The following SMIM36 variants were observed in gnomAD, a reference collection of about 807,000 sequenced individuals.
SMIM36 encodes the protein small integral membrane protein 36.
the SMIM36 span, among the ~76,000 whole-genome samples, chr17:55,522,948 TC>T: frequency 6.6e-6 from 1 of 152,122 alleles, no homozygotes; most frequent in African/African-American, 2.4e-5. Flanking sequence ...AATAAGCCGT[TC>T]ACAAACACAT....
At chr17:55,470,137 A>G (rs953161672) in intron 3 of SMIM36, among the ~76,000 whole-genome samples, 7 of 152,130 alleles carry the variant, frequency 4.6e-5, no homozygotes, top group African/African-American at 1.7e-4. Flanking sequence ...CTCCTAAGCC[A>G]TGTCCCATCT....
chr17:55,494,264 A>G (rs908873887), intron 1 of SMIM36, among the ~76,000 whole-genome samples: 1 of 152,206 alleles, frequency 6.6e-6, no homozygotes, highest in Non-Finnish European at 1.5e-5. Flanking sequence ...CCAGCCAGGA[A>G]AAAGAACACA....
chr17:55,477,383 T>C (rs926970959), intron 3 of SMIM36, among the ~76,000 whole-genome samples: 16 of 152,174 alleles, frequency 1.1e-4, no homozygotes, highest in Non-Finnish European at 1.0e-4. Context: ...GGCTTAGAGA[T>C]GCATCATTCC....
At chr17:55,461,155 A>T (rs1909142405) in intron 4 of SMIM36, among the ~76,000 whole-genome samples, 1 of 152,112 alleles carries the variant, frequency 6.6e-6, no homozygotes, top group African/African-American at 2.4e-5. Context: ...TTTGGGAAAA[A>T]ATCTACAATA....
At chr17:55,525,105 T>C in the SMIM36 span, among the ~76,000 whole-genome samples, 1 of 152,206 alleles carries the variant, frequency 6.6e-6, no homozygotes, top group African/African-American at 2.4e-5. Context: ...ACCTGTAACT[T>C]CTATACTGTA....
the SMIM36 span, among the ~76,000 whole-genome samples, chr17:55,517,467 G>A: frequency 1.3e-5 from 2 of 152,330 alleles, no homozygotes; most frequent in South Asian, 4.1e-4. Flanking sequence ...GGAGGCTGAG[G>A]CAGGAGAATC....
chr17:55,508,415 T>C (rs1166667684), intron 1 of SMIM36, among the ~76,000 whole-genome samples: 1 of 142,726 alleles, frequency 7.0e-6, no homozygotes, highest in Non-Finnish European at 1.5e-5. Flanking sequence ...ACATATTTTA[T>C]ATATATATTC....
chr17:55,530,510 C>A, the SMIM36 span, among the ~76,000 whole-genome samples: 1 of 152,126 alleles, frequency 6.6e-6, no homozygotes, highest in African/African-American at 2.4e-5. Context: ...AGAGGCTGGG[C>A]GCGGTGGCTC....
chr17:55,507,608 T>G, intron 1 of SMIM36, among the ~76,000 whole-genome samples: 1 of 128,154 alleles, frequency 7.8e-6, no homozygotes, highest in Non-Finnish European at 1.6e-5. Context: ...GGGATAGCAT[T>G]GGGAGATATA....
At chr17:55,484,929 G>C (rs187897781) in intron 1 of SMIM36, among the ~76,000 whole-genome samples, 62 of 129,072 alleles carry the variant, frequency 4.8e-4, no homozygotes, top group Middle Eastern at 4.0e-3. Context: ...AGGACCAAAT[G>C]TGATGATGGA....
intron 1 of SMIM36, among the ~76,000 whole-genome samples, chr17:55,500,550 G>A (rs1909890161): frequency 6.6e-6 from 1 of 151,330 alleles, no homozygotes; most frequent in Non-Finnish European, 1.5e-5. Flanking sequence ...CAAATCAAAT[G>A]AACCAGAGGC....
At position 55,500,916 on chromosome 17, in the gene SMIM36, T is replaced by A. The variant is rs1212210269; in HGVS notation, c.*174+9963A>T. On this transcript the variant is annotated intron_variant, in intron 1 of 4. Coordinates refer to ENST00000636752, the Ensembl canonical transcript of SMIM36. ...TATAATATATTATATTATAATATAT[T>A]ATAATATATTATATTTTATAATATA... Among the ~76,000 whole-genome samples, 3 of 25,546 alleles carry A rather than the reference T, an allele frequency of 1.2e-4. No homozygotes were observed. In the South Asian group the frequency reaches 4.2e-3, roughly 36 times the overall value. 16.8% of individuals were successfully genotyped at this position (25,546 alleles called of 152,430 possible).
At chr17:55,493,943 T>G (rs1909763207) in intron 1 of SMIM36, among the ~76,000 whole-genome samples, 1 of 151,890 alleles carries the variant, frequency 6.6e-6, no homozygotes, top group Admixed American at 6.6e-5. Context: ...TGGAATTAAG[T>G]GTGAATCCTG....
upstream of SMIM36, among the ~76,000 whole-genome samples, chr17:55,512,220 G>C (rs959466256): frequency 5.3e-5 from 8 of 152,186 alleles, no homozygotes; most frequent in Admixed American, 3.9e-4. Context: ...TAGCCACAAA[G>C]AACTGCATAT....
intron 1 of SMIM36, among the ~76,000 whole-genome samples, chr17:55,491,131 A>G (rs1909696634): frequency 6.6e-6 from 1 of 151,242 alleles, no homozygotes; most frequent in South Asian, 2.1e-4. Flanking sequence ...AGTTTCAGCT[A>G]CTCGGGAGAC....
intron 3 of SMIM36, among the ~76,000 whole-genome samples, chr17:55,468,804 A>C (rs1909290115): frequency 6.6e-6 from 1 of 152,026 alleles, no homozygotes; most frequent in Non-Finnish European, 1.5e-5. Context: ...CTAACACCTG[A>C]CCTAAAACCT....
chr17:55,476,686 G>A (rs113568203), intron 3 of SMIM36, among the ~76,000 whole-genome samples: 11,893 of 152,040 alleles, frequency 0.078, 512 homozygotes, highest in South Asian at 0.14. Flanking sequence ...TCCCACCTCA[G>A]CCTCCTGACT....
At chr17:55,517,283 G>A in the SMIM36 span, among the ~76,000 whole-genome samples, 1 of 152,178 alleles carries the variant, frequency 6.6e-6, no homozygotes, top group Non-Finnish European at 1.5e-5. Context: ...TGGCATGTTC[G>A]CTCACACCTG....
intron 3 of SMIM36, among the ~76,000 whole-genome samples, chr17:55,472,373 T>G (rs1424093460): frequency 6.6e-6 from 1 of 151,676 alleles, no homozygotes; most frequent in Admixed American, 6.6e-5. Context: ...CATATTAACA[T>G]TTATACTGAC....
Sources: gnomAD v4.1 joint callset for allele counts (sites outside exome capture counted in the v4.1 genomes callset) on GRCh38, gnomAD v4.1.1 for gene constraint, MANE v1.5 for transcripts, NCBI Gene and HGNC (gene_info 2026-07-23, HGNC 2026-07-21) for gene names.